Variants in PPFIA2 observed in about 807,000 individuals in gnomAD.
PPFIA2 encodes PPFI scaffold protein A2.
Under a neutral mutation model 175.5 loss-of-function variants are expected in PPFIA2, and 46 were observed. The observed-to-expected ratio is 0.26, with a 90% CI of 0.21 to 0.34. The LOEUF is 0.34. Ranked by LOEUF, PPFIA2 falls within the 10% of genes least tolerant of loss-of-function variation. PPFIA2 has a pLI of 1.00. For synonymous variants in PPFIA2, 568 were observed against 511.4 expected (o/e 1.11, Z -1.49); for missense variants, 1,179 against 1,506.1 (o/e 0.78, Z 3.60).
chr12:81,493,968 G>A (rs1029358626), intron 4 of PPFIA2, among the ~76,000 whole-genome samples: 2 of 151,572 alleles, frequency 1.3e-5, no homozygotes, highest in Non-Finnish European at 1.5e-5. Context: ...TGTCATTTAG[G>A]TTAGACCTAA....
chr12:81,461,473 G>A (rs1318336676), intron 4 of PPFIA2, among the ~76,000 whole-genome samples: 1 of 152,046 alleles, frequency 6.6e-6, no homozygotes, highest in Non-Finnish European at 1.5e-5. Context: ...CCACATATCA[G>A]ACCCTGTGCT....
At chr12:81,329,220 G>T (rs887626481) in intron 21 of PPFIA2, among the ~76,000 whole-genome samples, 4 of 152,120 alleles carry the variant, frequency 2.6e-5, no homozygotes, top group Non-Finnish European at 5.9e-5. Context: ...AGAACACAAT[G>T]AACTCCACCC....
intron 22 of PPFIA2, among the ~76,000 whole-genome samples, chr12:81,309,951 C>G (rs1392063693): frequency 1.3e-5 from 2 of 152,048 alleles, no homozygotes; most frequent in Non-Finnish European, 2.9e-5. Flanking sequence ...TATTCCTCCC[C>G]ATTAAACAAT....
intron 5 of PPFIA2, among the ~76,000 whole-genome samples, chr12:81,456,697 T>C (rs2053624927): frequency 6.6e-6 from 1 of 152,212 alleles, no homozygotes. Context: ...TAAACTGTAC[T>C]CCTCTATGGG....
Position 81,263,338 on chromosome 12 carries a change from G to A in PPFIA2, c.3608C>T (p.Pro1203Leu). ...RGSTWRRQFP[P>L]REVHGISMMP... is the part of the protein sequence containing the mutation. ...CATGCTGATTCCATGTACTTCACGA[G>A]GAGGAAACTGCCTTCTCCAGGTTGA... The change falls in exon 31 of 33, where the codon CCT becomes CTT. Residue 1203 changes from proline to leucine, a missense_variant. Transcript: ENST00000549396. The A allele has an allele frequency of 6.2e-7, 1 of 1,613,018 alleles. No homozygotes were observed. The highest frequency in any genetic ancestry group is 8.5e-7 in the Non-Finnish European group (1 of 1,179,056).
intron 17 of PPFIA2, among the ~76,000 whole-genome samples, chr12:81,350,837 G>T (rs1421831603): frequency 6.6e-6 from 1 of 152,086 alleles, no homozygotes; most frequent in Non-Finnish European, 1.5e-5. Context: ...AGTGCAGTAG[G>T]GTGATGATAG....
chr12:81,284,526 G>A (rs757659886), intron 24 of PPFIA2: 7 of 519,114 alleles, frequency 1.3e-5, no homozygotes, highest in South Asian at 3.0e-5. Context: ...AAGCTCTTGG[G>A]GATGTAGATT....
At chr12:81,287,059 G>A (rs1456577356) in intron 24 of PPFIA2, among the ~76,000 whole-genome samples, 1 of 151,818 alleles carries the variant, frequency 6.6e-6, no homozygotes, top group African/African-American at 2.4e-5. Context: ...TACTTTACAT[G>A]CATCTGTCAC....
At chr12:81,584,765 T>C (rs2074935810) in intron 4 of PPFIA2, among the ~76,000 whole-genome samples, 1 of 140,480 alleles carries the variant, frequency 7.1e-6, no homozygotes, top group Non-Finnish European at 1.5e-5. Flanking sequence ...GGTAAATATA[T>C]AGCATAAAAG....
At chr12:81,300,130 C>A (rs1200978251) in intron 22 of PPFIA2, among the ~76,000 whole-genome samples, 1 of 152,082 alleles carries the variant, frequency 6.6e-6, no homozygotes, top group Non-Finnish European at 1.5e-5. Flanking sequence ...ATTTCACTGA[C>A]CCTCTTACTG....
At chr12:81,502,498 T>C (rs929348829) in intron 4 of PPFIA2, among the ~76,000 whole-genome samples, 4 of 152,204 alleles carry the variant, frequency 2.6e-5, no homozygotes, top group African/African-American at 9.6e-5. Flanking sequence ...GTAATCACTA[T>C]TTTTGACAAG....
intron 7 of PPFIA2, among the ~76,000 whole-genome samples, chr12:81,433,813 TC>T (rs1028076040): frequency 3.3e-5 from 5 of 152,296 alleles, no homozygotes; most frequent in African/African-American, 1.2e-4. Flanking sequence ...AGTCTATTTC[TC>T]AGTAAACTAA....
intron 18 of PPFIA2, among the ~76,000 whole-genome samples, chr12:81,344,992 G>A (rs1210808954): frequency 6.6e-6 from 1 of 152,104 alleles, no homozygotes; most frequent in Non-Finnish European, 1.5e-5. Context: ...ATGAGTGAGT[G>A]AGTCTAGCTA....
At position 81,603,805 on chromosome 12, in the gene PPFIA2, G is replaced by A. The variant is rs1342043108; in HGVS notation, c.303+72986C>T. Among the ~76,000 whole-genome samples the A allele has an allele frequency of 3.2e-5, 4 of 125,140 alleles. No individual in the cohort carries two copies. In the South Asian group the frequency reaches 1.0e-3, roughly 32 times the overall value. 82.1% of individuals were successfully genotyped at this position (125,140 alleles called of 152,430 possible). A position where few individuals can be genotyped will look rare whatever the true frequency, so the allele number is the denominator to read the frequency against. On this transcript the variant is annotated intron_variant, in intron 4 of 32. Coordinates refer to ENST00000549396, the MANE Select transcript of PPFIA2 (RefSeq NM_003625.5). ...AAGAAAGTAGAATACCTTTTTCAAG[G>A]ACAGAATCACTATTCTGACTAAAAA...
chr12:81,648,891 G>GT (rs199688346), intron 4 of PPFIA2, among the ~76,000 whole-genome samples: 1,875 of 151,090 alleles, frequency 0.012, 44 homozygotes, highest in East Asian at 0.043. Flanking sequence ...AGAAATCATA[G>GT]TTTTTTTTTA....
intron 22 of PPFIA2, among the ~76,000 whole-genome samples, chr12:81,309,660 T>C (rs1040855101): frequency 1.3e-5 from 2 of 152,088 alleles, no homozygotes; most frequent in African/African-American, 4.8e-5. Context: ...CTAGGCTGTT[T>C]AGATTTCAAA....
rs188378630 is a variant in PPFIA2, at chr12:81,465,726, T to G, written c.304-7860A>C. On this transcript the variant is annotated intron_variant, in intron 4 of 32. Transcript: ENST00000549396. Reference sequence around the variant, plus strand: ...ACAGGACATACTTTCTAGAACCGATTAATAACAGAAGTATTACATTTGAGA... The same window carrying G: ...ACAGGACATACTTTCTAGAACCGATGAATAACAGAAGTATTACATTTGAGA... Among the ~76,000 whole-genome samples, 108 of 152,268 alleles carry G rather than the reference T, an allele frequency of 7.1e-4. 2 individuals carry two copies. The highest frequency in any genetic ancestry group is 2.6e-3 in the African/African-American group (108 of 41,556).
At chr12:81,650,289 G>A (rs1328636743) in intron 4 of PPFIA2, among the ~76,000 whole-genome samples, 1 of 152,002 alleles carries the variant, frequency 6.6e-6, no homozygotes, top group African/African-American at 2.4e-5. Flanking sequence ...GATTACAGGC[G>A]TGAGCCACCG....
intron 4 of PPFIA2, among the ~76,000 whole-genome samples, chr12:81,656,347 A>C (rs993406052): frequency 3.3e-4 from 50 of 152,058 alleles, no homozygotes; most frequent in Non-Finnish European, 7.4e-5. Context: ...GTTGGTTGTA[A>C]TCAGTTTTTA....
Sources: gnomAD v4.1 joint callset for allele counts (sites outside exome capture counted in the v4.1 genomes callset) on GRCh38, gnomAD v4.1.1 for gene constraint, MANE v1.5 for transcripts, NCBI Gene and HGNC (gene_info 2026-07-23, HGNC 2026-07-21) for gene names.